The following FGD3 variants were observed in gnomAD, a reference collection of about 807,000 sequenced individuals.
The protein encoded by FGD3 is FYVE, RhoGEF and PH domain containing 3, also known as FYVE, RhoGEF and PH domain-containing protein 3.
FGD3 carries 45 observed loss-of-function variants against 71.8 expected under a neutral mutation model. That is an observed-to-expected ratio of 0.63 (90% CI 0.49 to 0.80). The LOEUF is 0.80. Among genes scored for constraint, FGD3 ranks in the 30% least tolerant of loss-of-function variants. FGD3 has a pLI of 0.00. For missense variants in FGD3, 844 were observed against 951.5 expected, an observed-to-expected ratio of 0.89 and a Z score of 1.49; for synonymous variants, 378 against 392.8, an observed-to-expected ratio of 0.96 and a Z score of 0.44.
intron 2 of FGD3, among the ~76,000 whole-genome samples, chr9:92,975,796 G>A (rs1587823386): frequency 6.6e-6 from 1 of 152,122 alleles, no homozygotes; most frequent in Admixed American, 6.5e-5. Flanking sequence ...GGAGGAGGAG[G>A]AGGACACCGG....
chr9:92,997,381 C>T (rs150019958), intron 3 of FGD3, among the ~76,000 whole-genome samples: 317 of 152,174 alleles, frequency 2.1e-3, no homozygotes, highest in Admixed American at 3.8e-3. Context: ...GCACGTGAGA[C>T]GGGTCTCTTG....
chr9:93,023,648 C>G (rs1313873627), intron 14 of FGD3, among the ~76,000 whole-genome samples: 1 of 152,128 alleles, frequency 6.6e-6, no homozygotes, highest in Admixed American at 6.5e-5. Flanking sequence ...CCACCCTCCC[C>G]TGAGATGCCC....
chr9:92,986,256 C>T (rs753521366), intron 3 of FGD3, among the ~76,000 whole-genome samples: 15 of 152,164 alleles, frequency 9.9e-5, no homozygotes, highest in African/African-American at 7.2e-5. Context: ...GTGACTTGCT[C>T]GGAGCATTCT....
intron 14 of FGD3, among the ~76,000 whole-genome samples, chr9:93,029,524 G>A (rs1041904699): frequency 1.3e-5 from 2 of 152,240 alleles, no homozygotes; most frequent in African/African-American, 2.4e-5. Context: ...CCATGGCTGT[G>A]CTGCCCACTG....
At chr9:92,995,584 T>TACC (rs1860607100) in intron 3 of FGD3, among the ~76,000 whole-genome samples, 1 of 152,138 alleles carries the variant, frequency 6.6e-6, no homozygotes, top group South Asian at 2.1e-4. Flanking sequence ...CAGTTTTTGC[T>TACC]CATTCAGTAT....
chr9:93,007,236 G>A (rs1246745918), intron 6 of FGD3, among the ~76,000 whole-genome samples: 4 of 151,646 alleles, frequency 2.6e-5, no homozygotes, highest in Non-Finnish European at 5.9e-5. Flanking sequence ...GACTACAGGC[G>A]CCCGCCACCA....
chr9:92,976,118 T>A, intron 2 of FGD3, 90 bp from the exon 3 acceptor site: 1 of 760,618 alleles, frequency 1.3e-6, no homozygotes, highest in Non-Finnish European at 2.1e-6. Context: ...GGGCGGAGGG[T>A]ACTGCCTGGG....
chr9:92,957,407 T>TG (rs1368693834), intron 1 of FGD3, among the ~76,000 whole-genome samples: 1 of 152,234 alleles, frequency 6.6e-6, no homozygotes, highest in African/African-American at 2.4e-5. Flanking sequence ...GCGGTTCAGA[T>TG]GGGGCTGTAA....
At position 92,947,641 on chromosome 9, in the gene FGD3, GCAAGT is replaced by G. The variant is rs1384656731; in HGVS notation, c.-305_-301del. 1 of 152,302 alleles carries G rather than the reference GCAAGT, an allele frequency of 6.6e-6. No individual in the cohort carries two copies. Among genetic ancestry groups the G allele is most frequent in the Non-Finnish European group, 1.5e-5 (1 of 68,096 alleles). 9.4% of individuals were successfully genotyped at this position (152,302 alleles called of 1,614,324 possible). A position where few individuals can be genotyped will look rare whatever the true frequency, so the allele number is the denominator to read the frequency against. ...CGGGGCTCCTCTGGAAGCGGCTCCG[GCAAGT>G]ATCGAGTTTGCCTGTGCGGAGCTGG... On this transcript the variant is annotated 5_prime_UTR_variant, in exon 1 of 18. Transcript: ENST00000375482.
intron 1 of FGD3, among the ~76,000 whole-genome samples, chr9:92,960,623 G>A (rs1218296264): frequency 3.9e-5 from 6 of 152,134 alleles, no homozygotes; most frequent in African/African-American, 1.4e-4. Context: ...GCTGGGTGCC[G>A]TAACAGTCCC....
At chr9:93,018,463 G>A (rs918150791) in intron 11 of FGD3, among the ~76,000 whole-genome samples, 2 of 152,106 alleles carry the variant, frequency 1.3e-5, no homozygotes, top group South Asian at 2.1e-4. Context: ...CCATCTCCCT[G>A]ACCAACTAAA....
intron 15 of FGD3, 92 bp downstream of exon 15, chr9:93,030,088 A>ATGCACACCAGCCC: frequency 6.8e-7 from 1 of 1,478,088 alleles, no homozygotes; most frequent in East Asian, 2.4e-5. Flanking sequence ...CACACCAGCC[A>ATGCACACCAGCCC]TGCACACCAG....
At position 93,006,111 on chromosome 9, in the gene FGD3, A is replaced by G. The variant is rs1246965515; in HGVS notation, c.768A>G (p.Arg256=). The G allele has an allele frequency of 6.2e-7, 1 of 1,613,380 alleles. No individual in the cohort carries two copies. Among genetic ancestry groups the G allele is most frequent in the East Asian group, 2.2e-5 (1 of 44,824 alleles). ...GCGAGTATGTCAAGAACTTTGACCG[A>G]GCCGTAGGGCTGGTGAGCACGTGGA... ...MYGEYVKNFD[R]AVGLVSTWTQ... is the part of the protein sequence containing the mutation. The change falls in exon 6 of 18, where the codon CGA becomes CGG. Residue 256 remains arginine (R), a synonymous_variant. Coordinates refer to ENST00000375482, the MANE Select transcript of FGD3 (RefSeq NM_001083536.2).
chr9:93,020,222 G>A, intron 12 of FGD3, 95 bp from the exon 13 acceptor site: 12 of 1,198,872 alleles, frequency 1.0e-5, no homozygotes, highest in Non-Finnish European at 1.4e-5. Flanking sequence ...GGAACGCCAA[G>A]GCCCGTCCTC....
At chr9:93,028,762 G>T (rs1319817071) in intron 14 of FGD3, among the ~76,000 whole-genome samples, 1 of 152,158 alleles carries the variant, frequency 6.6e-6, no homozygotes, top group Non-Finnish European at 1.5e-5. Context: ...GAAAGGAGAG[G>T]TGAGTCATCC....
Position 93,035,717 on chromosome 9 carries a change from C to G in FGD3, c.*128C>G, listed in dbSNP as rs4073460. ...GGCCAACAGCCCAGAGCTCAGGACA[C>G]TTGGCTTTGGGGGGAAGGAAACTGA... is the stretch of plus-strand genomic sequence containing the variant. On this transcript the variant is annotated 3_prime_UTR_variant, in exon 18 of 18. Coordinates refer to ENST00000375482, the MANE Select transcript of FGD3 (RefSeq NM_001083536.2). 1.1e-4 allele frequency: 144 copies of G among 1,330,238 alleles called. 1 individual carries two copies. The highest frequency in any genetic ancestry group is 1.4e-4 in the Non-Finnish European group (139 of 1,013,978). The allele number at this position is 1,330,238 out of a possible 1,614,324, so 82.4% of individuals were successfully genotyped here.
intron 11 of FGD3, among the ~76,000 whole-genome samples, chr9:93,018,705 G>A (rs1861797589): frequency 6.6e-6 from 1 of 152,158 alleles, no homozygotes; most frequent in African/African-American, 2.4e-5. Context: ...AAGACCAGAA[G>A]GGTCAATTTG....
chr9:92,991,293 G>A (rs540108376), intron 3 of FGD3, among the ~76,000 whole-genome samples: 6 of 152,176 alleles, frequency 3.9e-5, no homozygotes, highest in Non-Finnish European at 7.4e-5. Context: ...TTCCCAGGCT[G>A]GTTTCAAACT....
chr9:92,997,006 A>C (rs1860673211), intron 3 of FGD3, among the ~76,000 whole-genome samples: 1 of 152,154 alleles, frequency 6.6e-6, no homozygotes, highest in Admixed American at 6.5e-5. Flanking sequence ...CTTGGTGCAG[A>C]GCTGAGTTCA....
Sources: allele counts gnomAD v4.1 joint callset (sites outside exome capture counted in the v4.1 genomes callset), GRCh38; gene constraint gnomAD v4.1.1; transcripts MANE v1.5; gene names NCBI Gene and HGNC (gene_info 2026-07-23, HGNC 2026-07-21).